The following ZMYM2 variants were observed in gnomAD, a reference collection of about 807,000 sequenced individuals.
The protein encoded by ZMYM2 is zinc finger MYM-type protein 2.
Under a neutral mutation model 162.8 loss-of-function variants are expected in ZMYM2, and 56 were observed. That is an observed-to-expected ratio of 0.34 (90% CI 0.28 to 0.43). ZMYM2 has a LOEUF of 0.43. ZMYM2 is among the 20% of genes least tolerant of loss of function. The probability of loss-of-function intolerance (pLI) is 1.00; values close to 1 mark genes in which losing one functional copy is unlikely to be tolerated. For missense variants in ZMYM2, 1,275 were observed against 1,621.8 expected, an observed-to-expected ratio of 0.79 and a Z score of 3.67; for synonymous variants, 510 against 541.6, an observed-to-expected ratio of 0.94 and a Z score of 0.81.
In ZMYM2 at chr13:19,993,348, A is replaced by G. The variant is rs141166677; in HGVS notation, c.276A>G (p.Leu92=). Residue 92 remains leucine (L), a synonymous_variant, in exon 3 of 25, where the codon CTA becomes CTG. Coordinates refer to ENST00000610343, the MANE Select transcript of ZMYM2 (RefSeq NM_197968.4). ...ITFTSSKNEE[L]QGNDSKITPS... ...TTACATCATCAAAAAATGAAGAACT[A>G]CAAGGAAATGATTCCAAAATTACTC... 7.8e-4 allele frequency: 1,252 copies of G among 1,613,834 alleles called. 21 individuals are homozygous for G. The Admixed American group carries it at 0.02, about 25-fold the overall frequency.
the ZMYM2 span, among the ~76,000 whole-genome samples, chr13:19,885,997 A>ATG: frequency 8.4e-5 from 3 of 35,662 alleles, no homozygotes; most frequent in Non-Finnish European, 1.4e-4. Context: ...ACACATATAT[A>ATG]TGTGTATATA....
chr13:20,083,063 A>G, intron 23 of ZMYM2, 31 bp downstream of exon 23: 1 of 1,504,520 alleles, frequency 6.6e-7, no homozygotes, highest in South Asian at 1.3e-5. Flanking sequence ...TTTTATTTTT[A>G]TTTTTAAATT....
the ZMYM2 span, among the ~76,000 whole-genome samples, chr13:19,911,044 C>CTTTTTTTT: frequency 1.1e-5 from 1 of 89,286 alleles, no homozygotes; most frequent in African/African-American, 3.5e-5. Context: ...AGTTCCCAGT[C>CTTTTTTTT]TTTTTTTTTT....
the ZMYM2 span, among the ~76,000 whole-genome samples, chr13:19,891,105 A>T: frequency 6.6e-6 from 1 of 151,926 alleles, no homozygotes; most frequent in Non-Finnish European, 1.5e-5. Context: ...ATGTGACTTT[A>T]TACAGGGATG....
At chr13:19,926,195 A>G in the ZMYM2 span, among the ~76,000 whole-genome samples, 1 of 151,280 alleles carries the variant, frequency 6.6e-6, no homozygotes, top group Non-Finnish European at 1.5e-5. Flanking sequence ...TCCTGACCTC[A>G]GGTGTTCCAC....
chr13:19,951,565 C>G, the ZMYM2 span, among the ~76,000 whole-genome samples: 4 of 127,986 alleles, frequency 3.1e-5, no homozygotes, highest in Admixed American at 1.6e-4. Context: ...TACCGGGGGT[C>G]GTGGTGTGCG....
upstream of ZMYM2, among the ~76,000 whole-genome samples, chr13:19,954,126 A>ATTT (rs781288600): frequency 1.7e-3 from 108 of 64,906 alleles, 24 homozygotes; most frequent in East Asian, 0.019. Flanking sequence ...GCTATGTTTA[A>ATTT]TTTTTTTTTT....
At chr13:20,041,929 T>G (rs1005955928) in intron 12 of ZMYM2, among the ~76,000 whole-genome samples, 3 of 152,238 alleles carry the variant, frequency 2.0e-5, no homozygotes, top group Non-Finnish European at 4.4e-5. Context: ...AGATCTGCTA[T>G]TAGTCCGATG....
chr13:20,011,804 C>T (rs1305865628), intron 6 of ZMYM2, among the ~76,000 whole-genome samples: 10 of 150,858 alleles, frequency 6.6e-5, no homozygotes, highest in African/African-American at 2.4e-4. Flanking sequence ...GGCTGGAGTG[C>T]GGTGGCACAG....
chr13:19,963,852 G>C (rs185988629), intron 2 of ZMYM2, among the ~76,000 whole-genome samples: 26 of 152,220 alleles, frequency 1.7e-4, no homozygotes. Context: ...AGTTTAAAAA[G>C]ATGTGCAGAG....
At chr13:19,921,879 C>G in the ZMYM2 span, among the ~76,000 whole-genome samples, 1 of 151,550 alleles carries the variant, frequency 6.6e-6, no homozygotes, top group African/African-American at 2.4e-5. Flanking sequence ...AAGTTGCTTT[C>G]GACACACACG....
chr13:19,987,408 C>T (rs917717584), intron 2 of ZMYM2, among the ~76,000 whole-genome samples: 1 of 151,814 alleles, frequency 6.6e-6, no homozygotes, highest in Non-Finnish European at 1.5e-5. Context: ...GGATTAAAGG[C>T]GCCTGTCACC....
chr13:19,885,925 A>ACACATATATG, the ZMYM2 span, among the ~76,000 whole-genome samples: 2 of 23,852 alleles, frequency 8.4e-5, 1 homozygote, highest in East Asian at 4.1e-3. Context: ...ACACATATAT[A>ACACATATATG]TGTGTATACA....
the ZMYM2 span, among the ~76,000 whole-genome samples, chr13:19,918,547 G>T: frequency 8.2e-6 from 1 of 122,682 alleles, no homozygotes; most frequent in Non-Finnish European, 1.6e-5. Flanking sequence ...TGTACATGCT[G>T]GAGTGCAGTG....
intron 2 of ZMYM2, among the ~76,000 whole-genome samples, chr13:19,985,130 T>G (rs375751957): frequency 6.6e-5 from 10 of 152,304 alleles, no homozygotes; most frequent in Non-Finnish European, 1.0e-4. Context: ...CATTGTGTTT[T>G]TTGTTGTTGT....
chr13:20,075,577 T>G (rs954292685), intron 21 of ZMYM2, among the ~76,000 whole-genome samples: 1 of 151,968 alleles, frequency 6.6e-6, no homozygotes, highest in Non-Finnish European at 1.5e-5. Flanking sequence ...ATAACCATCA[T>G]TAACATTTCA....
chr13:20,045,793 C>T (rs1954721623), intron 12 of ZMYM2, among the ~76,000 whole-genome samples: 1 of 151,992 alleles, frequency 6.6e-6, no homozygotes, highest in South Asian at 2.1e-4. Flanking sequence ...TTTTACTGTA[C>T]AAATATCTGC....
chr13:20,062,624 T>C (rs960177463), intron 17 of ZMYM2, among the ~76,000 whole-genome samples: 1 of 152,220 alleles, frequency 6.6e-6, no homozygotes, highest in Admixed American at 6.5e-5. Context: ...CTGTAAAATT[T>C]ATAGGATTAA....
the ZMYM2 span, among the ~76,000 whole-genome samples, chr13:19,887,316 G>T: frequency 6.6e-6 from 1 of 151,510 alleles, no homozygotes; most frequent in Admixed American, 6.6e-5. Flanking sequence ...ATCACCCAAG[G>T]TCAGGAGTTC....
Sources: gnomAD v4.1 joint callset for allele counts (sites outside exome capture counted in the v4.1 genomes callset) on GRCh38, gnomAD v4.1.1 for gene constraint, MANE v1.5 for transcripts, NCBI Gene and HGNC (gene_info 2026-07-23, HGNC 2026-07-21) for gene names.